Variants in MYO1B observed in about 807,000 individuals in gnomAD.
The protein encoded by MYO1B is myosin IB.
Under a neutral mutation model 159.7 loss-of-function variants are expected in MYO1B, and 72 were observed. That is an observed-to-expected ratio of 0.45 (90% CI 0.37 to 0.55). The LOEUF (loss-of-function observed/expected upper bound fraction) is 0.55, where lower values mean the gene tolerates loss of function less well. MYO1B is among the 20% of genes least tolerant of loss of function. The pLI is 0.00. For missense variants in MYO1B, 1,062 were observed against 1,364.8 expected (o/e 0.78, Z 3.50); for synonymous variants, 468 against 473.8 (o/e 0.99, Z 0.16).
At chr2:191,304,408 T>C (rs1689519022) in intron 3 of MYO1B, among the ~76,000 whole-genome samples, 1 of 152,100 alleles carries the variant, frequency 6.6e-6, no homozygotes, top group African/African-American at 2.4e-5. Context: ...CTGTCTCTAA[T>C]AAATATACAA....
chr2:191,308,047 G>C (rs1432765026), intron 3 of MYO1B, among the ~76,000 whole-genome samples: 1 of 152,068 alleles, frequency 6.6e-6, no homozygotes, highest in African/African-American at 2.4e-5. Flanking sequence ...GAGGTGGGGA[G>C]GTGGGGTTGA....
At chr2:191,298,472 C>T (rs1270178224) in intron 3 of MYO1B, among the ~76,000 whole-genome samples, 2 of 152,170 alleles carry the variant, frequency 1.3e-5, no homozygotes, top group Non-Finnish European at 2.9e-5. Context: ...AGAATTCCCC[C>T]AGGGGCTTAT....
In MYO1B at chr2:191,356,670, G is replaced by A. The variant is rs368625362; in HGVS notation, c.563-3961G>A. On this transcript the variant is annotated intron_variant, in intron 7 of 30. Transcript: ENST00000392318. Reference sequence around the variant, plus strand: ...GATTAATGAATTAATTTATTCATTCGTTAATTGGTGTTTATTAGGGTAGTA... The same window carrying A: ...GATTAATGAATTAATTTATTCATTCATTAATTGGTGTTTATTAGGGTAGTA... 7.2e-4 allele frequency among the ~76,000 whole-genome samples: 110 copies of A among 152,248 alleles called. 2 individuals carry two copies. In the South Asian group the frequency reaches 0.016, roughly 22 times the overall value.
intron 3 of MYO1B, among the ~76,000 whole-genome samples, chr2:191,297,980 A>G (rs906687930): frequency 2.6e-5 from 4 of 152,318 alleles, no homozygotes; most frequent in African/African-American, 9.6e-5. Flanking sequence ...ATGAAGTGAA[A>G]GAACCTGCAG....
intron 4 of MYO1B, among the ~76,000 whole-genome samples, chr2:191,332,355 ATT>A (rs11289665): frequency 6.1e-5 from 9 of 147,070 alleles, no homozygotes; most frequent in Middle Eastern, 3.3e-3. Context: ...ATATTATAGG[ATT>A]TTTTTTTTTT....
intron 5 of MYO1B, among the ~76,000 whole-genome samples, chr2:191,345,548 G>T (rs756910260): frequency 6.6e-6 from 1 of 152,150 alleles, no homozygotes; most frequent in Non-Finnish European, 1.5e-5. Flanking sequence ...TCCTGTGAGG[G>T]ATTTGTCTCC....
chr2:191,363,342 G>A (rs1693794290), intron 9 of MYO1B, among the ~76,000 whole-genome samples: 1 of 152,034 alleles, frequency 6.6e-6, no homozygotes, highest in Non-Finnish European at 1.5e-5. Flanking sequence ...GCAAACCACA[G>A]TTTTTCTGAT....
chr2:191,251,962 A>G (rs1018931068), intron 1 of MYO1B, among the ~76,000 whole-genome samples: 1 of 152,126 alleles, frequency 6.6e-6, no homozygotes, highest in Admixed American at 6.6e-5. Context: ...TTTATATTAG[A>G]TCCTGAATTG....
chr2:191,396,847 C>G (rs1696108572), intron 21 of MYO1B, among the ~76,000 whole-genome samples: 1 of 152,284 alleles, frequency 6.6e-6, no homozygotes, highest in Admixed American at 6.5e-5. Flanking sequence ...GAATCCCTAC[C>G]CCAGTGACTT....
chr2:191,402,467 G>A, intron 23 of MYO1B, 165 bp from the exon 24 acceptor site: 1 of 644,048 alleles, frequency 1.6e-6, no homozygotes. Context: ...CGCTGCACCA[G>A]CCTGACACCA....
At chr2:191,393,958 A>ATTCCTCTT (rs1695916809) in intron 20 of MYO1B, among the ~76,000 whole-genome samples, 1 of 152,086 alleles carries the variant, frequency 6.6e-6, no homozygotes, top group Non-Finnish European at 1.5e-5. Flanking sequence ...CTCCTTTCTT[A>ATTCCTCTT]TATTCTTCCT....
At chr2:191,355,494 G>C (rs1693215566) in intron 7 of MYO1B, among the ~76,000 whole-genome samples, 1 of 152,206 alleles carries the variant, frequency 6.6e-6, no homozygotes, top group Admixed American at 6.5e-5. Context: ...TACTGTTAAA[G>C]GCAAGGTTGA....
At chr2:191,418,607 A>G (rs985586274) in intron 30 of MYO1B, among the ~76,000 whole-genome samples, 10 of 145,628 alleles carry the variant, frequency 6.9e-5, no homozygotes, top group Admixed American at 5.9e-4. Context: ...ATTCTGCCTC[A>G]GCCTCTTGAG....
intron 5 of MYO1B, among the ~76,000 whole-genome samples, chr2:191,344,515 C>T (rs1379153588): frequency 6.6e-6 from 1 of 152,160 alleles, no homozygotes; most frequent in Non-Finnish European, 1.5e-5. Context: ...CTTAACCAAG[C>T]TTGGGCAACT....
intron 7 of MYO1B, among the ~76,000 whole-genome samples, chr2:191,360,095 A>G (rs1462735062): frequency 6.6e-6 from 1 of 152,178 alleles, no homozygotes; most frequent in African/African-American, 2.4e-5. Context: ...CTAATTTCAA[A>G]TCCTAGTTCC....
Position 191,313,424 on chromosome 2 carries a change from G to A in MYO1B, c.252-16511G>A, listed in dbSNP as rs191776406. ...TTTTGAGATGGAGTCTAGCTCTGTCGCCCAGGCTGGAGTGCAGTGGCACGA... is the reference window on the plus strand; with the variant it reads ...TTTTGAGATGGAGTCTAGCTCTGTCACCCAGGCTGGAGTGCAGTGGCACGA... On this transcript the variant is annotated intron_variant, in intron 3 of 30. Coordinates refer to ENST00000392318, the MANE Select transcript of MYO1B (RefSeq NM_001130158.3). Among the ~76,000 whole-genome samples the A allele has an allele frequency of 4.4e-3, 661 of 151,228 alleles. 8 individuals are homozygous for A. Among genetic ancestry groups the A allele is most frequent in the African/African-American group, 6.7e-3 (278 of 41,264 alleles).
chr2:191,253,511 C>G (rs531013415), intron 1 of MYO1B, among the ~76,000 whole-genome samples: 4 of 152,004 alleles, frequency 2.6e-5, no homozygotes, highest in Non-Finnish European at 4.4e-5. Context: ...TGCCTGTCTT[C>G]TCTGTCAGTT....
At chr2:191,371,497 T>C (rs1694362342) in intron 13 of MYO1B, among the ~76,000 whole-genome samples, 1 of 152,220 alleles carries the variant, frequency 6.6e-6, no homozygotes, top group Non-Finnish European at 1.5e-5. Flanking sequence ...ATGAAGTAGC[T>C]GTTATTATTA....
Position 191,362,921 on chromosome 2 carries a change from G to A in MYO1B, c.765+550G>A, listed in dbSNP as rs571571400. On this transcript the variant is annotated intron_variant, in intron 9 of 30. Coordinates refer to ENST00000392318, the MANE Select transcript of MYO1B (RefSeq NM_001130158.3). ...TGAGACAGCTGTGGTGATGGGGAAAGGGGAGAGTAGGATGAATTATAGATA... is the reference window on the plus strand; with the variant it reads ...TGAGACAGCTGTGGTGATGGGGAAAAGGGAGAGTAGGATGAATTATAGATA... Among the ~76,000 whole-genome samples the A allele has an allele frequency of 5.4e-4, 82 of 152,316 alleles. 1 individual carries two copies. The South Asian group carries it at 0.016, about 30-fold the overall frequency.
Sources: gnomAD v4.1 joint callset for allele counts (sites outside exome capture counted in the v4.1 genomes callset) on GRCh38, gnomAD v4.1.1 for gene constraint, MANE v1.5 for transcripts, NCBI Gene and HGNC (gene_info 2026-07-23, HGNC 2026-07-21) for gene names.